The following PLEC variants were observed in gnomAD, a reference collection of about 807,000 sequenced individuals.
PLEC encodes the protein hemidesmosomal protein 1.
PLEC carries 216 observed loss-of-function variants against 392.8 expected under a neutral mutation model. The observed-to-expected ratio is 0.55, with a 90% CI of 0.49 to 0.62. The LOEUF (loss-of-function observed/expected upper bound fraction) is 0.62, where lower values mean the gene tolerates loss of function less well. Ranked by LOEUF, PLEC falls within the 20% of genes least tolerant of loss-of-function variation. The pLI is 0.00. For synonymous variants in PLEC, 3,621 were observed against 2,980.6 expected (o/e 1.21, Z -7.00); for missense variants, 6,863 against 6,563.4 (o/e 1.05, Z -1.58).
rs781907409 is a variant in PLEC at position 143,930,515 on chromosome 8, C to T, written c.2326G>A (p.Glu776Lys). ...DAQDEKEQLN[E>K]YKGHLSGLAK... is the part of the protein sequence containing the mutation. Reference sequence around the variant, plus strand: ...AGGCCTGAGAGGTGGCCCTTGTACTCGTTCAGCTGTTCCTTCTCGTCCTGT... The same window carrying T: ...AGGCCTGAGAGGTGGCCCTTGTACTTGTTCAGCTGTTCCTTCTCGTCCTGT... Residue 776 changes from glutamate to lysine, a missense_variant, in exon 20 of 32, where the codon GAG becomes AAG. Physicochemically the swap from Glu to Lys is moderately conservative, Grantham distance 56 (BLOSUM62 1). Transcript: ENST00000345136. 20 of 1,596,094 alleles carry T rather than the reference C, an allele frequency of 1.3e-5. No homozygotes were observed. The highest frequency in any genetic ancestry group is 1.5e-5 in the Non-Finnish European group (17 of 1,171,806).
In PLEC at chr8:143,923,483, C is replaced by T. The variant is rs782514718; in HGVS notation, c.6446G>A (p.Arg2149Gln). 7 of 1,601,246 alleles carry T rather than the reference C, an allele frequency of 4.4e-6. No homozygotes were observed. The highest frequency in any genetic ancestry group is 2.2e-5 in the East Asian group (1 of 44,784). ...CAGGGCCGCCTGCTCCGCCTGTGCC[C>T]GCCGCGCCGCCTCTTGCTCGGCCTC... ...RKEAEQEAAR[R>Q]AQAEQAALRQ... The change falls in exon 31 of 32, where the codon CGG becomes CAG. Residue 2149 changes from arginine to glutamine, a missense_variant. By Grantham distance (43) the Arg-to-Gln change is conservative. Coordinates refer to ENST00000345136, the MANE Select transcript of PLEC (RefSeq NM_201384.3).
At chr8:143,957,605 C>T (rs1267899437), upstream of PLEC, among the ~76,000 whole-genome samples, 1 of 152,198 alleles carries the variant, frequency 6.6e-6, no homozygotes, top group Non-Finnish European at 1.5e-5. Flanking sequence ...CCTTCCCAAC[C>T]CCTCTGTCTG....
chr8:143,944,569 G>T, upstream of PLEC: 2 of 899,488 alleles, frequency 2.2e-6, no homozygotes, highest in Non-Finnish European at 3.1e-6. Context: ...CTGGCCTCCA[G>T]CCTCAGCCCC....
At chr8:143,976,120 G>C (rs985799532), upstream of PLEC, among the ~76,000 whole-genome samples, 3 of 152,224 alleles carry the variant, frequency 2.0e-5, no homozygotes, top group African/African-American at 7.2e-5. Flanking sequence ...CAGCGGCGTG[G>C]GCCGCGGGAG....
chr8:143,956,424 CT>C (rs2132820548), upstream of PLEC, among the ~76,000 whole-genome samples: 1 of 152,308 alleles, frequency 6.6e-6, no homozygotes, highest in East Asian at 1.9e-4. Flanking sequence ...AAAAACTATC[CT>C]GACACGGTGG....
At position 143,921,700 on chromosome 8, in the gene PLEC, A is replaced by G. The variant is rs1554686768; in HGVS notation, c.8121T>C (p.Asn2707=). ...SIAGLLLKAT[N]EKLSVYAALQ... is the part of the protein sequence containing the mutation. ...GGGCGGCGTAAACACTCAGCTTCTC[A>G]TTGGTGGCCTTCAGCAACAGCCCTG... is the stretch of plus-strand genomic sequence containing the variant. Residue 2707 remains asparagine (N), a synonymous_variant, in exon 32 of 32, where the codon AAT becomes AAC. Coordinates refer to ENST00000345136, the MANE Select transcript of PLEC (RefSeq NM_201384.3). The G allele has an allele frequency of 1.2e-6, 2 of 1,613,030 alleles. No homozygotes were observed. Among genetic ancestry groups the G allele is most frequent in the Non-Finnish European group, 1.7e-6 (2 of 1,179,886 alleles).
chr8:143,939,455 G>C lies in PLEC; in HGVS notation c.7C>G (p.Gln3Glu), dbSNP rs781821384. MS[Q>E]HQLRVPQPEG... is the part of the protein sequence containing the mutation. ...GGCTGCGGCACGCGGAGCTGGTGCT[G>C]AGACATGCTGCCCCCACACCTTCGT... is the stretch of plus-strand genomic sequence containing the variant. The change falls in exon 1 of 32, where the codon CAG becomes GAG. Residue 3 changes from glutamine to glutamate, a missense_variant. Coordinates refer to ENST00000345136, the MANE Select transcript of PLEC (RefSeq NM_201384.3). The C allele has an allele frequency of 1.3e-5, 21 of 1,611,148 alleles. No individual in the cohort carries two copies. Among genetic ancestry groups the C allele is most frequent in the Non-Finnish European group, 1.7e-5 (20 of 1,179,436 alleles).
At chr8:143,972,197 C>T (rs895317393) in intron 1 of PLEC, among the ~76,000 whole-genome samples, 5 of 152,202 alleles carry the variant, frequency 3.3e-5, no homozygotes, top group Non-Finnish European at 4.4e-5. Flanking sequence ...CCCAGGTGGG[C>T]GGCTGCTTCC....
At position 143,916,545 on chromosome 8, in the gene PLEC, G is replaced by A. The variant is rs782043444; in HGVS notation, c.13276C>T (p.Arg4426Cys). The change falls in exon 32 of 32, where the codon CGT (arginine) becomes TGT (cysteine). Residue 4426 changes from arginine (R) to cysteine (C), a missense_variant. Transcript: ENST00000345136. ...TVDARTAQKL[R>C]DVGAYSKYLT... ...TACTTGGAGTAGGCGCCCACGTCAC[G>A]CAGCTTCTGTGCGGTGCGGGCGTCC... 7.4e-6 allele frequency: 12 copies of A among 1,611,740 alleles called. No individual in the cohort carries two copies. Among genetic ancestry groups the A allele is most frequent in the Admixed American group, 1.7e-5 (1 of 59,990 alleles).
chr8:143,935,758 C>T, intron 6 of PLEC, 90 bp downstream of exon 6: 1 of 1,428,230 alleles, frequency 7.0e-7, no homozygotes, highest in East Asian at 2.4e-5. Flanking sequence ...CTCCTGCCCT[C>T]CTCCCTGCCC....
intron 30 of PLEC, 54 bp downstream of exon 30, chr8:143,926,730 A>T: frequency 1.4e-6 from 2 of 1,419,148 alleles, no homozygotes; most frequent in Non-Finnish European, 2.0e-6. Flanking sequence ...TGTGTGGGAC[A>T]CAACAGGTGG....
Position 143,973,466 on chromosome 8 carries a change from C to T in PLEC, c.7G>A (p.Gly3Ser), listed in dbSNP as rs1554744982. Residue 3 changes from glycine to serine, a missense_variant, in exon 1 of 32, where the codon GGC becomes AGC. Gly to Ser is a moderately conservative substitution (Grantham distance 56). Transcript: ENST00000356346. The surrounding 1 kb of genome is among the most constrained non-coding windows in gnomAD (Gnocchi z 5.6). ...AAGTCCTGCTCGTCGGGCAGCGGGC[C>T]GGCCATGCCGGCGGGCGCGGGGCGC... 1 of 1,511,192 alleles carries T rather than the reference C, an allele frequency of 6.6e-7. No individual in the cohort carries two copies. Among genetic ancestry groups the T allele is most frequent in the Non-Finnish European group, 8.9e-7 (1 of 1,129,340 alleles). 93.6% of individuals were successfully genotyped at this position (1,511,192 alleles called of 1,614,324 possible). A position where few individuals can be genotyped will look rare whatever the true frequency, so the allele number is the denominator to read the frequency against.
At chr8:143,967,049 T>C (rs1833134209) in intron 1 of PLEC, among the ~76,000 whole-genome samples, 1 of 152,118 alleles carries the variant, frequency 6.6e-6, no homozygotes, top group African/African-American at 2.4e-5. Flanking sequence ...GTGTTAAAAA[T>C]TGATATGGCT....
chr8:143,953,862 G>A (rs1418046395), upstream of PLEC: 4 of 1,566,988 alleles, frequency 2.6e-6, no homozygotes, highest in Admixed American at 3.7e-5. Flanking sequence ...AGCCGGGGGA[G>A]GAGCCCGGAG....
At position 143,916,502 on chromosome 8, in the gene PLEC, G is replaced by C. The variant is rs781890438; in HGVS notation, c.13319C>G (p.Thr4440Ser). 1 of 1,611,904 alleles carries C rather than the reference G, an allele frequency of 6.2e-7. No homozygotes were observed. The highest frequency in any genetic ancestry group is 1.1e-5 in the South Asian group (1 of 91,080). Residue 4440 changes from threonine to serine, a missense_variant, in exon 32 of 32, where the codon ACC (threonine) becomes AGC (serine). Coordinates refer to ENST00000345136, the MANE Select transcript of PLEC (RefSeq NM_201384.3). ...GTCCTTATAGGAGATCTTGAGCTTG[G>C]TCTTAGGGCAGGTGAGGTACTTGGA... is the stretch of plus-strand genomic sequence containing the variant. ...AYSKYLTCPK[T>S]KLKISYKDAL...
At position 143,916,758 on chromosome 8, in the gene PLEC, C is replaced by T. The variant is rs781920924; in HGVS notation, c.13063G>A (p.Ala4355Thr). The change falls in exon 32 of 32, where the codon GCC becomes ACC. Residue 4355 changes from alanine (A) to threonine (T), a missense_variant. By Grantham distance (58) the Ala-to-Thr change is moderately conservative (BLOSUM62 0). Transcript: ENST00000345136. Reference protein sequence around the residue: ...MVDRINLAQKAFCGFEDPRTK... With the variant: ...MVDRINLAQKTFCGFEDPRTK... ...CGTGGGTCCTCGAAGCCGCAGAAGG[C>T]CTTCTGGGCCAGGTTGATGCGGTCC... The T allele has an allele frequency of 2.5e-6, 4 of 1,613,296 alleles. No individual in the cohort carries two copies. The highest frequency in any genetic ancestry group is 2.2e-5 in the South Asian group (2 of 91,086).
Position 143,935,006 on chromosome 8 carries a change from C to G in PLEC, c.825+5G>C, listed in dbSNP as rs1375111353. ...AGCCCCCTGCCCTCCGGGCCCCCCA[C>G]TCACGTTGGCCCTCACCCCATCCTG... On this transcript the variant is annotated splice_donor_5th_base_variant and intron_variant, in intron 8 of 31. Transcript: ENST00000345136. 1 of 1,612,304 alleles carries G rather than the reference C, an allele frequency of 6.2e-7. No individual in the cohort carries two copies. The highest frequency in any genetic ancestry group is 1.1e-5 in the South Asian group (1 of 91,072).
At position 143,921,377 on chromosome 8, in the gene PLEC, A is replaced by G. The variant is rs1822624080; in HGVS notation, c.8444T>C (p.Val2815Ala). ...GCGGTGGCTGTGCACGGGGTCGATA[A>G]CGCCGCCCGTGGCGATCTGGGCCTC... ...LLEAQIATGG[V>A]IDPVHSHRVP... The change falls in exon 32 of 32, where the codon GTT (valine) becomes GCT (alanine). Residue 2815 changes from valine to alanine, a missense_variant. Val to Ala is a moderately conservative substitution (Grantham distance 64, BLOSUM62 0). Transcript: ENST00000345136. 1 of 1,613,220 alleles carries G rather than the reference A, an allele frequency of 6.2e-7. No homozygotes were observed. Among genetic ancestry groups the G allele is most frequent in the African/African-American group, 1.3e-5 (1 of 74,918 alleles).
upstream of PLEC, among the ~76,000 whole-genome samples, chr8:143,951,463 G>A (rs1394031999): frequency 6.6e-6 from 1 of 152,106 alleles, no homozygotes; most frequent in Non-Finnish European, 1.5e-5. Context: ...TCCATCAGGC[G>A]GGCAAACGGA....
Sources: gnomAD v4.1 joint callset for allele counts (sites outside exome capture counted in the v4.1 genomes callset) on GRCh38, gnomAD v4.1.1 for gene constraint, Gnocchi (gnomAD v3.1) non-coding constraint, MANE v1.5 for transcripts, NCBI Gene and HGNC (gene_info 2026-07-23, HGNC 2026-07-21) for gene names.